Variants in MAP4K1 observed in about 807,000 individuals in gnomAD.
MAP4K1 encodes mitogen-activated protein kinase kinase kinase kinase 1.
In MAP4K1, 35 loss-of-function variants were observed where a neutral mutation model predicts 122.8. That is an observed-to-expected ratio of 0.29 (90% confidence interval 0.22 to 0.38). The LOEUF is 0.38. Ranked by LOEUF, MAP4K1 falls within the 10% of genes least tolerant of loss-of-function variation. The probability of loss-of-function intolerance (pLI) is 1.00; values close to 1 mark genes in which losing one functional copy is unlikely to be tolerated. For synonymous variants in MAP4K1, 412 were observed against 421.3 expected, an observed-to-expected ratio of 0.98 and a Z score of 0.27; for missense variants, 791 against 1,072.6, an observed-to-expected ratio of 0.74 and a Z score of 3.67.
intron 11 of MAP4K1, among the ~76,000 whole-genome samples, chr19:38,610,626 T>C (rs1975469760): frequency 6.6e-6 from 1 of 152,100 alleles, no homozygotes; most frequent in African/African-American, 2.4e-5. Flanking sequence ...CCTCAAGTGA[T>C]CCATCTACCT....
At chr19:38,608,257 C>G (rs185709684) in intron 13 of MAP4K1, 87 bp from the exon 14 acceptor site, 197 of 488,822 alleles carry the variant, frequency 4.0e-4, no homozygotes, top group South Asian at 2.5e-3. Flanking sequence ...GTAGAATTGG[C>G]GGGGGGGTTG....
In MAP4K1 at chr19:38,597,118, C is replaced by T; in HGVS notation, c.1857G>A (p.Gly619=). 6.2e-7 allele frequency: 1 copy of T among 1,614,174 alleles called. No homozygotes were observed. The highest frequency in any genetic ancestry group is 1.3e-5 in the African/African-American group (1 of 75,046). ...CCAATGCACCGCACAGGAACGGGCC[C>T]CCAGAGCTCGCACCCTCCGCTGTGG... ...ACCVAEGASS[G]GPFLCGALET... is the part of the protein sequence containing the mutation. Residue 619 remains glycine (G), a synonymous_variant, in exon 25 of 31, where the codon GGG becomes GGA. Transcript: ENST00000396857. This position sits in a 1 kb window ranked among gnomAD's most constrained non-coding sequence, Gnocchi z 4.6.
Position 38,597,245 on chromosome 19 carries a change from C to A in MAP4K1, c.1837+81G>T. On this transcript the variant is annotated intron_variant, in intron 24 of 30. Transcript: ENST00000396857. The surrounding 1 kb of genome is among the most constrained non-coding windows in gnomAD (Gnocchi z 4.6). ...GGACACATTGCCTTAACTCTGTAACCTTCTCAGGTGGATGCAGTTCAAGCC... is the reference window on the plus strand; with the variant it reads ...GGACACATTGCCTTAACTCTGTAACATTCTCAGGTGGATGCAGTTCAAGCC... 6.2e-7 allele frequency: 1 copy of A among 1,602,584 alleles called. No individual in the cohort carries two copies. The highest frequency in any genetic ancestry group is 1.1e-5 in the South Asian group (1 of 90,870).
Position 38,617,729 on chromosome 19 carries a change from C to T in MAP4K1, c.99+68G>A. ...AACTGGGACCCCCTCTTGCAGCCTCCTCCCTGCCGAGGGCTTGCCTTAAAG... is the reference window on the plus strand; with the variant it reads ...AACTGGGACCCCCTCTTGCAGCCTCTTCCCTGCCGAGGGCTTGCCTTAAAG... On this transcript the variant is annotated intron_variant, in intron 1 of 30. Coordinates refer to ENST00000396857, the MANE Select transcript of MAP4K1 (RefSeq NM_001042600.3). This position sits in a 1 kb window ranked among gnomAD's most constrained non-coding sequence, Gnocchi z 4.1. 1 of 1,603,956 alleles carries T rather than the reference C, an allele frequency of 6.2e-7. No individual in the cohort carries two copies. The highest frequency in any genetic ancestry group is 8.5e-7 in the Non-Finnish European group (1 of 1,170,796).
chr19:38,597,356 C>T lies in MAP4K1; in HGVS notation c.1807G>A (p.Asp603Asn). The change falls in exon 24 of 31, where the codon GAC becomes AAC. Residue 603 changes from aspartate to asparagine, a missense_variant. By Grantham distance (23) the Asp-to-Asn change is conservative. Coordinates refer to ENST00000396857, the MANE Select transcript of MAP4K1 (RefSeq NM_001042600.3). The surrounding 1 kb of genome is among the most constrained non-coding windows in gnomAD (Gnocchi z 4.6). ...RKNMVSTKIQDTKGCRACCVA... is the reference protein window; with the variant it reads ...RKNMVSTKIQNTKGCRACCVA... ...CAGCACGCCCGGCAGCCTTTGGTGTCCTGGATCTTGGTGGAAACCATGTTC... is the reference window on the plus strand; with the variant it reads ...CAGCACGCCCGGCAGCCTTTGGTGTTCTGGATCTTGGTGGAAACCATGTTC... 4 of 1,614,046 alleles carry T rather than the reference C, an allele frequency of 2.5e-6. No individual in the cohort carries two copies. The highest frequency in any genetic ancestry group is 3.4e-6 in the Non-Finnish European group (4 of 1,180,030).
chr19:38,614,706 A>C, intron 4 of MAP4K1: 2 of 516,848 alleles, frequency 3.9e-6, no homozygotes, highest in Non-Finnish European at 7.0e-6. Flanking sequence ...GGATCACTTG[A>C]GGTCAGGAGT....
chr19:38,603,351 TATAC>T lies in MAP4K1; in HGVS notation c.1447-1830_1447-1827del, dbSNP rs1975216492. 2.0e-5 allele frequency among the ~76,000 whole-genome samples: 3 copies of T among 146,508 alleles called. No individual in the cohort carries two copies. The Admixed American group carries it at 2.1e-4, about 10-fold the overall frequency. ...ATATACGCATATACATATATACACA[TATAC>T]ATATATACACACATATACATATATA... On this transcript the variant is annotated intron_variant, in intron 19 of 30. Transcript: ENST00000396857.
At chr19:38,608,254 TGGCGGG>T in intron 13 of MAP4K1, 84 bp from the exon 14 acceptor site, 4 of 346,604 alleles carry the variant, frequency 1.2e-5, no homozygotes, top group Non-Finnish European at 2.1e-5. Context: ...AGAGTAGAAT[TGGCGGG>T]GGGGTTGCAG....
chr19:38,603,192 A>G (rs1164180182), intron 19 of MAP4K1, among the ~76,000 whole-genome samples: 1 of 149,404 alleles, frequency 6.7e-6, no homozygotes, highest in Non-Finnish European at 1.5e-5. Flanking sequence ...ATATACGCAT[A>G]TACATATATA....
At chr19:38,605,342 T>G in intron 19 of MAP4K1, 67 bp downstream of exon 19, 2 of 651,964 alleles carry the variant, frequency 3.1e-6, no homozygotes, top group Non-Finnish European at 5.5e-6. Flanking sequence ...TGCCACCCCC[T>G]CCCCACCCCA....
At chr19:38,614,217 C>T in intron 6 of MAP4K1, 28 bp downstream of exon 6, 1 of 1,613,360 alleles carries the variant, frequency 6.2e-7, no homozygotes, top group Non-Finnish European at 8.5e-7. Context: ...CCCCACCCCC[C>T]AACAGCACCC....
intron 8 of MAP4K1, among the ~76,000 whole-genome samples, chr19:38,613,049 T>G (rs958057447): frequency 6.6e-6 from 1 of 151,842 alleles, no homozygotes; most frequent in Non-Finnish European, 1.5e-5. Context: ...GGCTTTTGCC[T>G]GTAATTCCAG....
intron 12 of MAP4K1, 87 bp downstream of exon 12, chr19:38,609,822 G>C (rs2287735): frequency 0.046 from 61,455 of 1,344,832 alleles, 4,124 homozygotes; most frequent in East Asian, 0.26. Flanking sequence ...CCCCCTAAGA[G>C]AGGCAGCAGG....
intron 9 of MAP4K1, among the ~76,000 whole-genome samples, chr19:38,611,794 A>C (rs1975505741): frequency 6.7e-6 from 1 of 150,146 alleles, no homozygotes; most frequent in Admixed American, 6.7e-5. Flanking sequence ...AATAATAAGA[A>C]TTAATTAATT....
At chr19:38,599,288 C>T (rs1474591946) in intron 22 of MAP4K1, among the ~76,000 whole-genome samples, 1 of 142,918 alleles carries the variant, frequency 7.0e-6, no homozygotes, top group Non-Finnish European at 1.5e-5. Flanking sequence ...GTAGAGGTTG[C>T]AGTTAGCCAA....
rs757891988 is a variant in MAP4K1 at position 38,596,360 on chromosome 19, T to C, written c.2068A>G (p.Thr690Ala). Residue 690 changes from threonine (T) to alanine (A), a missense_variant, in exon 26 of 31, where the codon ACG becomes GCG. Around this residue, in one of 4 missense-constraint regions of MAP4K1, gnomAD observed 267 missense variants for 323.0 expected, o/e 0.83. Transcript: ENST00000396857. ...CAAGAGAGCGCGCCAAAGCGCACCG[T>C]GTGGAAGAGCACCGACTTCCCCGGC... Reference protein sequence around the residue: ...GRPGKSVLFHTVRFGALSCWL... With the variant: ...GRPGKSVLFHAVRFGALSCWL... The C allele has an allele frequency of 1.9e-6, 3 of 1,603,024 alleles. No individual in the cohort carries two copies. Among genetic ancestry groups the C allele is most frequent in the African/African-American group, 2.7e-5 (2 of 74,794 alleles).
At chr19:38,614,504 G>A (rs541061661) in intron 4 of MAP4K1, 59 bp from the exon 5 acceptor site, 14 of 1,595,728 alleles carry the variant, frequency 8.8e-6, no homozygotes, top group East Asian at 2.2e-5. Flanking sequence ...ACCTGGGCTG[G>A]GGAGTCCTGC....
At position 38,593,355 on chromosome 19, in the gene MAP4K1, G is replaced by C. The variant is rs1233455547; in HGVS notation, c.2341-18C>G. On this transcript the variant is annotated intron_variant, in intron 29 of 30. Coordinates refer to ENST00000396857, the MANE Select transcript of MAP4K1 (RefSeq NM_001042600.3). ...TGTAGCAGCTAGGGAAAAAAAGTGT[G>C]TGTCTCAGTGCCTGGAAGATACCTC... is the stretch of plus-strand genomic sequence containing the variant. 48 of 1,599,624 alleles carry C rather than the reference G, an allele frequency of 3.0e-5. No individual in the cohort carries two copies. The highest frequency in any genetic ancestry group is 3.8e-5 in the Non-Finnish European group (45 of 1,172,408).
Position 38,601,553 on chromosome 19 carries a change from G to A in MAP4K1, c.1447-28C>T, listed in dbSNP as rs760510378. ...GGGCAGGTCGCCGCGGGGCCAGGCA[G>A]CAGATCCGGCAAAGAGAGCAGGGAA... On this transcript the variant is annotated intron_variant, in intron 19 of 30. Coordinates refer to ENST00000396857, the MANE Select transcript of MAP4K1 (RefSeq NM_001042600.3). The A allele has an allele frequency of 5.2e-6, 8 of 1,550,370 alleles. No individual in the cohort carries two copies. In the South Asian group the frequency reaches 8.1e-5, roughly 16 times the overall value.
Sources: gnomAD v4.1 joint callset for allele counts (sites outside exome capture counted in the v4.1 genomes callset) on GRCh38, gnomAD v4.1.1 for gene constraint, gnomAD v4.1.1 regional missense constraint, Gnocchi (gnomAD v3.1) non-coding constraint, MANE v1.5 for transcripts, NCBI Gene and HGNC (gene_info 2026-07-23, HGNC 2026-07-21) for gene names.